Variants in MTCL3 observed in about 807,000 individuals in gnomAD.
The protein encoded by MTCL3 is microtubule cross-linking factor 3.
the MTCL3 span, among the ~76,000 whole-genome samples, chr6:127,488,155 C>G: frequency 6.6e-6 from 1 of 152,120 alleles, no homozygotes; most frequent in Non-Finnish European, 1.5e-5. Flanking sequence ...TGTTTGGGGC[C>G]TTTGGATTAT....
the MTCL3 span, among the ~76,000 whole-genome samples, chr6:127,477,254 G>A: frequency 6.6e-6 from 1 of 152,160 alleles, no homozygotes; most frequent in East Asian, 1.9e-4. Context: ...GATAAAGCCT[G>A]GCAAAAGAAT....
the MTCL3 span, among the ~76,000 whole-genome samples, chr6:127,507,842 CAAAAAAAAAAAA>C: frequency 1.1e-4 from 9 of 82,078 alleles, no homozygotes; most frequent in East Asian, 3.1e-3. Context: ...GACTATGTCT[CAAAAAAAAAAAA>C]AAAAAAAAAA....
the MTCL3 span, among the ~76,000 whole-genome samples, chr6:127,484,992 T>G: frequency 6.6e-6 from 1 of 152,190 alleles, no homozygotes; most frequent in African/African-American, 2.4e-5. Flanking sequence ...TTCTTGAGAT[T>G]CATCCCAGAA....
the MTCL3 span, among the ~76,000 whole-genome samples, chr6:127,488,409 A>C: frequency 6.6e-6 from 1 of 152,056 alleles, no homozygotes. Context: ...CTGTTTTCTC[A>C]TTCTGCAATG....
At chr6:127,475,446 G>A in the MTCL3 span, 23 of 1,612,938 alleles carry the variant, frequency 1.4e-5, no homozygotes, top group Non-Finnish European at 1.9e-5. The surrounding 1 kb of genome is among the most constrained non-coding windows in gnomAD (Gnocchi z 7.3). Context: ...GGCTGCCGTC[G>A]TCCTCCTCGT....
chr6:127,498,226 G>A, the MTCL3 span, among the ~76,000 whole-genome samples: 3 of 152,094 alleles, frequency 2.0e-5, no homozygotes, highest in Non-Finnish European at 2.9e-5. Flanking sequence ...TACAGATAGA[G>A]CTTAAATTGG....
the MTCL3 span, among the ~76,000 whole-genome samples, chr6:127,502,491 A>G: frequency 8.5e-4 from 130 of 152,332 alleles, no homozygotes; most frequent in African/African-American, 3.0e-3. Context: ...GGAAGAGGCA[A>G]TGGGTCAGAT....
chr6:127,490,567 C>A, the MTCL3 span, among the ~76,000 whole-genome samples: 1 of 151,512 alleles, frequency 6.6e-6, no homozygotes, highest in Non-Finnish European at 1.5e-5. Context: ...GCCTGTAATC[C>A]AAGCACTTTG....
At chr6:127,492,560 G>T in the MTCL3 span, among the ~76,000 whole-genome samples, 6 of 151,988 alleles carry the variant, frequency 3.9e-5, no homozygotes, top group African/African-American at 1.2e-4. Flanking sequence ...TCACCCTGTC[G>T]CCCAGGCTGG....
the MTCL3 span, among the ~76,000 whole-genome samples, chr6:127,500,837 G>A: frequency 5.9e-5 from 9 of 152,008 alleles, no homozygotes; most frequent in South Asian, 4.2e-4. Flanking sequence ...TTTTGAGATG[G>A]GATCTCACTC....
chr6:127,510,440 G>A, the MTCL3 span, among the ~76,000 whole-genome samples: 7 of 152,156 alleles, frequency 4.6e-5, no homozygotes, highest in African/African-American at 1.7e-4. Flanking sequence ...TCTTCCTGGT[G>A]GCCAGATTAT....
At chr6:127,513,090 CAATAT>C in the MTCL3 span, 1 of 1,526,404 alleles carries the variant, frequency 6.6e-7, no homozygotes, top group Non-Finnish European at 8.8e-7. Context: ...TAATTAATGA[CAATAT>C]AATAAGGGCT....
the MTCL3 span, chr6:127,515,378 C>T: frequency 3.4e-6 from 3 of 882,580 alleles, no homozygotes; most frequent in South Asian, 2.0e-5. The surrounding 1 kb of genome is among the most constrained non-coding windows in gnomAD (Gnocchi z 4.3). Context: ...AGGAAACCCC[C>T]TCCCTCCTTT....
the MTCL3 span, chr6:127,516,528 C>T: frequency 1.9e-6 from 3 of 1,598,236 alleles, no homozygotes; most frequent in Admixed American, 5.0e-5. Context: ...TGCTGCCCTC[C>T]GGGTGCAGAC....
the MTCL3 span, among the ~76,000 whole-genome samples, chr6:127,509,981 T>C: frequency 6.6e-6 from 1 of 152,222 alleles, no homozygotes; most frequent in Non-Finnish European, 1.5e-5. Flanking sequence ...TGGATAATTA[T>C]AGAGAACTCC....
the MTCL3 span, chr6:127,518,926 A>T: frequency 6.6e-6 from 1 of 152,336 alleles, no homozygotes; most frequent in Admixed American, 6.6e-5. Context: ...AGAGATGTTC[A>T]TGAGCTGACC....
At chr6:127,476,404 T>C in the MTCL3 span, 1 of 1,613,458 alleles carries the variant, frequency 6.2e-7, no homozygotes, top group South Asian at 1.1e-5. This position sits in a 1 kb window ranked among gnomAD's most constrained non-coding sequence, Gnocchi z 4.4. Context: ...GGCCATTTTC[T>C]TTCTCATCAA....
the MTCL3 span, among the ~76,000 whole-genome samples, chr6:127,514,315 G>T: frequency 1.3e-5 from 2 of 152,162 alleles, no homozygotes; most frequent in Non-Finnish European, 2.9e-5. Flanking sequence ...AGTGCAGAAA[G>T]GAAGAAGTCC....
the MTCL3 span, among the ~76,000 whole-genome samples, chr6:127,474,528 CTG>C: frequency 1.3e-5 from 2 of 152,076 alleles, no homozygotes; most frequent in Non-Finnish European, 2.9e-5. Context: ...TCTTTGGCCT[CTG>C]GGATTACAGG....
Sources: gnomAD v4.1 joint callset for allele counts (sites outside exome capture counted in the v4.1 genomes callset) on GRCh38, gnomAD v4.1.1 for gene constraint, Gnocchi (gnomAD v3.1) non-coding constraint, MANE v1.5 for transcripts, NCBI Gene and HGNC (gene_info 2026-07-23, HGNC 2026-07-21) for gene names.